The following PDE11A variants were observed in gnomAD, a reference collection of about 807,000 sequenced individuals.
PDE11A encodes phosphodiesterase 11A.
In PDE11A, 100 loss-of-function variants were observed where a neutral mutation model predicts 100.5. The ratio of observed to expected loss-of-function variants is 1.00; its 90% CI spans 0.85 to 1.18. The LOEUF is 1.18. Among genes scored for constraint, PDE11A ranks in the 50% most tolerant of loss-of-function variants. The probability of loss-of-function intolerance (pLI) is 0.00; values close to 1 mark genes in which losing one functional copy is unlikely to be tolerated. For missense variants in PDE11A, 1,141 were observed against 1,152.6 expected (o/e 0.99, Z 0.15); for synonymous variants, 381 against 420.8 (o/e 0.91, Z 1.16).
At chr2:177,658,499 CT>C (rs1165624212) in intron 19 of PDE11A, among the ~76,000 whole-genome samples, 2 of 151,376 alleles carry the variant, frequency 1.3e-5, no homozygotes, top group African/African-American at 4.9e-5. Flanking sequence ...CTCTCCTCTT[CT>C]TTTTTCCCTC....
chr2:177,929,780 G>C (rs1490568934), intron 2 of PDE11A, among the ~76,000 whole-genome samples: 1 of 152,182 alleles, frequency 6.6e-6, no homozygotes, highest in African/African-American at 2.4e-5. Flanking sequence ...TCACAGCACA[G>C]AAATCATAGC....
intron 12 of PDE11A, among the ~76,000 whole-genome samples, chr2:177,715,905 T>A (rs2081430709): frequency 2.0e-5 from 3 of 152,212 alleles, no homozygotes; most frequent in Admixed American, 2.0e-4. Flanking sequence ...CACCAGTGTA[T>A]GTGGGTGGTG....
intron 1 of PDE11A, among the ~76,000 whole-genome samples, chr2:178,064,829 T>A (rs996608918): frequency 6.6e-6 from 1 of 151,928 alleles, no homozygotes. Flanking sequence ...TAAAGAGGTA[T>A]CTCATAGGTT....
chr2:177,682,102 A>G (rs1318376515), intron 15 of PDE11A, among the ~76,000 whole-genome samples: 1 of 152,128 alleles, frequency 6.6e-6, no homozygotes, highest in Non-Finnish European at 1.5e-5. Flanking sequence ...CTTCATCTGC[A>G]TAACAAAAAC....
intron 19 of PDE11A, among the ~76,000 whole-genome samples, chr2:177,636,854 AACC>A (rs1243101093): frequency 2.0e-5 from 3 of 152,176 alleles, no homozygotes; most frequent in Non-Finnish European, 4.4e-5. Context: ...CCCAGTTAAG[AACC>A]ACTGCTCTGC....
intron 2 of PDE11A, among the ~76,000 whole-genome samples, chr2:177,916,205 G>C (rs2084951182): frequency 2.0e-5 from 3 of 152,150 alleles, no homozygotes; most frequent in Middle Eastern, 6.8e-3. Context: ...CTCCCTCTAA[G>C]CATTTATTTA....
At chr2:177,637,655 A>T (rs2080061089) in intron 19 of PDE11A, among the ~76,000 whole-genome samples, 1 of 149,430 alleles carries the variant, frequency 6.7e-6, no homozygotes. Context: ...TTCATTGAGA[A>T]TCTTGGTTCT....
chr2:178,097,137 T>C (rs974174928), intron 2 of PDE11A, among the ~76,000 whole-genome samples: 5 of 152,054 alleles, frequency 3.3e-5, no homozygotes, highest in South Asian at 2.1e-4. Context: ...CCACCTGCCT[T>C]GGCCTCCCAA....
chr2:178,028,416 C>T (rs902940513), intron 1 of PDE11A, among the ~76,000 whole-genome samples: 1 of 152,046 alleles, frequency 6.6e-6, no homozygotes, highest in Non-Finnish European at 1.5e-5. Flanking sequence ...GAGGATGGAT[C>T]CCATCAGCAG....
chr2:177,727,857 G>T, intron 11 of PDE11A, 92 bp from the exon 12 acceptor site: 1 of 978,654 alleles, frequency 1.0e-6, no homozygotes, highest in Non-Finnish European at 1.7e-6. Context: ...GTAACCCTCA[G>T]TGATCAAAGG....
rs1316167631 is a variant in PDE11A at position 177,626,128 on chromosome 2, C to T, written c.*3279G>A. The T allele has an allele frequency of 6.6e-6, 1 of 152,524 alleles. No homozygotes were observed. The highest frequency in any genetic ancestry group is 2.4e-5 in the African/African-American group (1 of 41,400). 9.4% of individuals were successfully genotyped at this position (152,524 alleles called of 1,614,324 possible). A position where few individuals can be genotyped will look rare whatever the true frequency, so the allele number is the denominator to read the frequency against. On this transcript the variant is annotated 3_prime_UTR_variant, in exon 20 of 20. Coordinates refer to ENST00000286063, the MANE Select transcript of PDE11A (RefSeq NM_016953.4). ...CAACCATGCAGTGAAGCCAATAAAA[C>T]GGCAAGAAAATGAGAGGAAAACTCA...
intron 19 of PDE11A, among the ~76,000 whole-genome samples, chr2:177,658,321 C>T (rs1379091475): frequency 6.6e-6 from 1 of 152,148 alleles, no homozygotes; most frequent in Non-Finnish European, 1.5e-5. Flanking sequence ...AAATAATAGT[C>T]CCTGAATGCA....
intron 19 of PDE11A, among the ~76,000 whole-genome samples, chr2:177,649,867 T>A (rs145590645): frequency 1.3e-5 from 2 of 152,258 alleles, no homozygotes; most frequent in African/African-American, 4.8e-5. Flanking sequence ...CAATAAAAAA[T>A]TTAAAAGTCT....
At chr2:177,735,191 C>T (rs188305644) in intron 10 of PDE11A, among the ~76,000 whole-genome samples, 83 of 152,276 alleles carry the variant, frequency 5.5e-4, no homozygotes, top group South Asian at 1.2e-3. Context: ...GAAATACATT[C>T]GGCTTCACGT....
chr2:178,095,830 G>A (rs1432673816), intron 2 of PDE11A, among the ~76,000 whole-genome samples: 1 of 152,222 alleles, frequency 6.6e-6, no homozygotes, highest in Non-Finnish European at 1.5e-5. Context: ...CAGGCTTGGG[G>A]CTTGCACCCT....
At chr2:177,965,990 A>G (rs1200730715) in intron 2 of PDE11A, among the ~76,000 whole-genome samples, 1 of 152,224 alleles carries the variant, frequency 6.6e-6, no homozygotes, top group African/African-American at 2.4e-5. Context: ...ATCCATAAGC[A>G]TGGAATGTTT....
intron 1 of PDE11A, among the ~76,000 whole-genome samples, chr2:178,057,524 C>G (rs2086912996): frequency 6.6e-6 from 1 of 152,226 alleles, no homozygotes; most frequent in Non-Finnish European, 1.5e-5. Context: ...TAGCAAATCA[C>G]TCTGCCTTGC....
chr2:177,785,840 G>A (rs1423384270), intron 9 of PDE11A, among the ~76,000 whole-genome samples: 1 of 152,278 alleles, frequency 6.6e-6, no homozygotes, highest in East Asian at 1.9e-4. Flanking sequence ...GGGGAGGGGC[G>A]CCCACCATTG....
At chr2:177,830,327 CG>C (rs2083288844) in intron 6 of PDE11A, among the ~76,000 whole-genome samples, 1 of 152,056 alleles carries the variant, frequency 6.6e-6, no homozygotes, top group Non-Finnish European at 1.5e-5. Flanking sequence ...TGGCTGGGCG[CG>C]GTAGCTCACG....
Sources: allele counts gnomAD v4.1 joint callset (sites outside exome capture counted in the v4.1 genomes callset), GRCh38; gene constraint gnomAD v4.1.1; transcripts MANE v1.5; gene names NCBI Gene and HGNC (gene_info 2026-07-23, HGNC 2026-07-21).